The following ADAMTSL1 variants were observed in gnomAD, a reference collection of about 807,000 sequenced individuals.
The protein encoded by ADAMTSL1 is ADAMTS like 1, also known as ADAMTS-like protein 1.
In ADAMTSL1, 126 loss-of-function variants were observed where a neutral mutation model predicts 201.8. The ratio of observed to expected loss-of-function variants is 0.62; its 90% CI spans 0.54 to 0.72. The LOEUF (loss-of-function observed/expected upper bound fraction) is 0.72, where lower values mean the gene tolerates loss of function less well. ADAMTSL1 is among the 30% of genes least tolerant of loss of function. ADAMTSL1 has a pLI of 0.00. For synonymous variants in ADAMTSL1, 1,121 were observed against 903.4 expected, an observed-to-expected ratio of 1.24 and a Z score of -4.32; for missense variants, 2,679 against 2,277.8, an observed-to-expected ratio of 1.18 and a Z score of -3.59.
At chr9:18,764,693 C>G (rs1820261584) in intron 16 of ADAMTSL1, among the ~76,000 whole-genome samples, 1 of 152,194 alleles carries the variant, frequency 6.6e-6, no homozygotes, top group South Asian at 2.1e-4. Context: ...GGGCACATGA[C>G]AGTATGTCAA....
intron 4 of ADAMTSL1, among the ~76,000 whole-genome samples, chr9:18,606,542 G>A (rs915788869): frequency 2.0e-5 from 3 of 152,146 alleles, no homozygotes; most frequent in Non-Finnish European, 4.4e-5. Context: ...CTGTTTGCTT[G>A]AAAGTCCCCT....
At chr9:17,961,191 T>C (rs1449247497) in intron 1 of ADAMTSL1, among the ~76,000 whole-genome samples, 2 of 152,114 alleles carry the variant, frequency 1.3e-5, no homozygotes. Context: ...GTTTTTAATC[T>C]CTCTGAGGCT....
At chr9:17,958,644 C>G (rs1361281024) in intron 1 of ADAMTSL1, among the ~76,000 whole-genome samples, 1 of 152,110 alleles carries the variant, frequency 6.6e-6, no homozygotes, top group African/African-American at 2.4e-5. Context: ...GTGTATGACA[C>G]ATACCAGGGA....
Position 18,038,038 on chromosome 9 carries a change from G to A in ADAMTSL1, c.88-125824G>A, listed in dbSNP as rs571975628. On this transcript the variant is annotated intron_variant, in intron 1 of 29. Coordinates refer to the ADAMTSL1 transcript ENST00000680146. ...TCGTGATGATACGAGAAATCAAAGA[G>A]CACTTGGGAAAGTGTGATTCAAAGC... Among the ~76,000 whole-genome samples, 10 of 152,288 alleles carry A rather than the reference G, an allele frequency of 6.6e-5. 1 individual carries two copies. Among genetic ancestry groups the A allele is most frequent in the African/African-American group, 2.4e-4 (10 of 41,562 alleles).
At chr9:18,511,595 A>T (rs904987971) in intron 2 of ADAMTSL1, among the ~76,000 whole-genome samples, 1 of 152,140 alleles carries the variant, frequency 6.6e-6, no homozygotes, top group Non-Finnish European at 1.5e-5. Flanking sequence ...GAAAAAGTAA[A>T]ATAAATAGCC....
At chr9:18,368,120 T>G (rs1563916884) in intron 2 of ADAMTSL1, among the ~76,000 whole-genome samples, 5 of 152,106 alleles carry the variant, frequency 3.3e-5, no homozygotes. Flanking sequence ...TTTCGCCGTT[T>G]TCGCCAGGAT....
intron 1 of ADAMTSL1, among the ~76,000 whole-genome samples, chr9:18,003,744 C>A (rs1182049830): frequency 6.6e-6 from 1 of 152,004 alleles, no homozygotes; most frequent in Non-Finnish European, 1.5e-5. Flanking sequence ...TATTTCAAAC[C>A]AAACTTCTTC....
chr9:17,954,989 G>A (rs996783678), intron 1 of ADAMTSL1, among the ~76,000 whole-genome samples: 1 of 152,176 alleles, frequency 6.6e-6, no homozygotes, highest in Non-Finnish European at 1.5e-5. Context: ...CAGCTTGCAA[G>A]ATAGGAGTTA....
At chr9:18,188,263 A>C (rs1371926579) in intron 2 of ADAMTSL1, among the ~76,000 whole-genome samples, 3 of 152,172 alleles carry the variant, frequency 2.0e-5, no homozygotes, top group Admixed American at 2.0e-4. Flanking sequence ...AACATCCTTC[A>C]GAGTCCCACT....
At chr9:18,778,725 T>A (rs11791705) in intron 19 of ADAMTSL1, among the ~76,000 whole-genome samples, 21,897 of 152,248 alleles carry the variant, frequency 0.14, 1,941 homozygotes, top group Non-Finnish European at 0.19. Flanking sequence ...TCTCACTGAA[T>A]AGAAGTGGAT....
intron 5 of ADAMTSL1, among the ~76,000 whole-genome samples, chr9:18,631,823 C>A (rs1826797765): frequency 6.6e-6 from 1 of 152,166 alleles, no homozygotes; most frequent in Non-Finnish European, 1.5e-5. Flanking sequence ...CAACCCATAT[C>A]TGTGAAATGA....
chr9:18,671,918 T>C (rs187255033), intron 9 of ADAMTSL1, among the ~76,000 whole-genome samples: 174 of 152,094 alleles, frequency 1.1e-3, no homozygotes, highest in African/African-American at 4.0e-3. Flanking sequence ...GCGCCTGTAG[T>C]CCCAGCTACT....
chr9:17,970,012 G>T (rs1206830334), intron 1 of ADAMTSL1, among the ~76,000 whole-genome samples: 1 of 151,932 alleles, frequency 6.6e-6, no homozygotes, highest in Non-Finnish European at 1.5e-5. Context: ...GTACCTCTGG[G>T]CTTGTCTCTT....
chr9:18,198,441 G>C (rs9721514), intron 2 of ADAMTSL1, among the ~76,000 whole-genome samples: 73,853 of 126,802 alleles, frequency 0.58, 18,120 homozygotes, highest in East Asian at 0.65. Context: ...ATCAAAAAGT[G>C]GGCGAAGGAC....
intron 1 of ADAMTSL1, among the ~76,000 whole-genome samples, chr9:18,485,433 G>T (rs1821939398): frequency 6.6e-6 from 1 of 152,156 alleles, no homozygotes; most frequent in African/African-American, 2.4e-5. Flanking sequence ...GAAACACAAA[G>T]ATAAACAAGA....
At chr9:18,199,824 A>T (rs549995845) in intron 2 of ADAMTSL1, among the ~76,000 whole-genome samples, 1 of 152,264 alleles carries the variant, frequency 6.6e-6, no homozygotes, top group South Asian at 2.1e-4. Flanking sequence ...CTAAGTAAGG[A>T]TCAAACTGTT....
intron 1 of ADAMTSL1, among the ~76,000 whole-genome samples, chr9:18,503,797 T>G (rs373558737): frequency 6.6e-6 from 1 of 152,136 alleles, no homozygotes; most frequent in South Asian, 2.1e-4. Context: ...AAGGCCAGGT[T>G]TTAAAAGTTC....
rs114730533 is a variant in ADAMTSL1 at position 18,499,903 on chromosome 9, A to G, written c.64-4926A>G. Among the ~76,000 whole-genome samples the G allele has an allele frequency of 6.9e-3, 1,054 of 152,318 alleles. 10 individuals carry two copies. The highest frequency in any genetic ancestry group is 0.024 in the African/African-American group (995 of 41,564). ...ACCTACTTTTTTTTCATTTAATTTC[A>G]TATAGCTTGACCTCTTGTTTTAACA... On this transcript the variant is annotated intron_variant, in intron 1 of 28. Coordinates refer to ENST00000380548, the MANE Select transcript of ADAMTSL1 (RefSeq NM_001040272.6).
chr9:18,003,686 T>G (rs557585728), intron 1 of ADAMTSL1, among the ~76,000 whole-genome samples: 2 of 152,098 alleles, frequency 1.3e-5, no homozygotes, highest in East Asian at 3.9e-4. Flanking sequence ...CTTTCTTTGA[T>G]GTATTGTGCT....
Sources: gnomAD v4.1 joint callset for allele counts (sites outside exome capture counted in the v4.1 genomes callset) on GRCh38, gnomAD v4.1.1 for gene constraint, MANE v1.5 for transcripts, NCBI Gene and HGNC (gene_info 2026-07-23, HGNC 2026-07-21) for gene names.